Variants in RFX2 observed in about 807,000 individuals in gnomAD.
RFX2 encodes DNA-binding protein RFX2.
A neutral mutation model predicts 87.8 loss-of-function variants in RFX2; 20 were observed. That is an observed-to-expected ratio of 0.23 (90% CI 0.16 to 0.33). The LOEUF is 0.33. Among genes scored for constraint, RFX2 ranks in the 10% least tolerant of loss-of-function variants. The pLI is 1.00. For synonymous variants in RFX2, 397 were observed against 431.3 expected (o/e 0.92, Z 0.98); for missense variants, 767 against 1,012.3 (o/e 0.76, Z 3.29).
At chr19:6,109,831 G>A (rs1361350338) in intron 1 of RFX2, among the ~76,000 whole-genome samples, 1 of 150,964 alleles carries the variant, frequency 6.6e-6, no homozygotes, top group Non-Finnish European at 1.5e-5. Flanking sequence ...CCAATTCAGA[G>A]AATTCGAGGG....
At chr19:6,070,932 G>T (rs932525183) in intron 1 of RFX2, among the ~76,000 whole-genome samples, 44 of 152,162 alleles carry the variant, frequency 2.9e-4, no homozygotes, top group Admixed American at 2.0e-3. Context: ...TGTCCAGGCT[G>T]GTCCTGAACT....
Position 5,999,086 on chromosome 19 carries a change from T to C in RFX2, c.1860-1873A>G, listed in dbSNP as rs1404147171. On this transcript the variant is annotated intron_variant, in intron 15 of 17. Coordinates refer to ENST00000303657, the MANE Select transcript of RFX2 (RefSeq NM_000635.4). This position sits in a 1 kb window ranked among gnomAD's most constrained non-coding sequence, Gnocchi z 4.1. ...GCCCGGCCAACATGGCAAAACCCCG[T>C]CTCTACTAAAAATACAAAAATCAGC... Among the ~76,000 whole-genome samples the C allele has an allele frequency of 6.6e-6, 1 of 151,800 alleles. No homozygotes were observed. The highest frequency in any genetic ancestry group is 2.4e-5 in the African/African-American group (1 of 41,274).
intron 1 of RFX2, chr19:6,073,298 C>A (rs988290771): frequency 4.5e-5 from 49 of 1,084,362 alleles, no homozygotes; most frequent in Non-Finnish European, 6.4e-5. Flanking sequence ...TCTTGATGCC[C>A]AACACTGGTC....
intron 1 of RFX2, among the ~76,000 whole-genome samples, chr19:6,082,043 T>C (rs1055034490): frequency 2.6e-5 from 4 of 152,102 alleles, no homozygotes; most frequent in African/African-American, 9.7e-5. Context: ...GCTGAGATCA[T>C]GCCACTGCAC....
At chr19:6,041,192 T>A (rs6510870) in intron 4 of RFX2, among the ~76,000 whole-genome samples, 151,640 of 152,254 alleles carry the variant, frequency 1, 75,514 homozygotes, top group Middle Eastern at 1. Context: ...CTTCAGCCTC[T>A]GAATATGGGT....
intron 1 of RFX2, among the ~76,000 whole-genome samples, chr19:6,103,768 T>G (rs1413976273): frequency 6.6e-6 from 1 of 152,056 alleles, no homozygotes; most frequent in East Asian, 1.9e-4. Context: ...TTAAGGGAAT[T>G]TCCTACCCTA....
At chr19:6,028,797 G>A (rs1003325393) in intron 5 of RFX2, among the ~76,000 whole-genome samples, 7 of 152,154 alleles carry the variant, frequency 4.6e-5, no homozygotes, top group South Asian at 4.1e-4. Flanking sequence ...GATTTTGGCC[G>A]GGCACGGTGG....
intron 1 of RFX2, among the ~76,000 whole-genome samples, chr19:6,087,287 C>G (rs2087868060): frequency 6.6e-6 from 1 of 152,144 alleles, no homozygotes; most frequent in African/African-American, 2.4e-5. Context: ...CTACTCCTCC[C>G]TCCCACTGCC....
chr19:6,029,088 A>AG (rs2086924457), intron 5 of RFX2, among the ~76,000 whole-genome samples: 2 of 151,910 alleles, frequency 1.3e-5, no homozygotes, highest in Admixed American at 1.3e-4. Flanking sequence ...AAAAAAAAAA[A>AG]AAATGCAGAT....
At chr19:6,081,844 C>A (rs1599917120) in intron 1 of RFX2, among the ~76,000 whole-genome samples, 1 of 152,124 alleles carries the variant, frequency 6.6e-6, no homozygotes, top group Admixed American at 6.5e-5. Flanking sequence ...TCCCAGCACT[C>A]TGGGAGGCCG....
Position 6,021,384 on chromosome 19 carries a change from A to G in RFX2, c.597+4779T>C, listed in dbSNP as rs1326962277. On this transcript the variant is annotated intron_variant, in intron 6 of 17. Transcript: ENST00000303657. The surrounding 1 kb of genome is among the most constrained non-coding windows in gnomAD (Gnocchi z 5.7). Reference sequence around the variant, plus strand: ...TCTTGTCTGGCAGAGACCCACAATAAATAAGTAAAATGAACCGAATGAGGG... The same window carrying G: ...TCTTGTCTGGCAGAGACCCACAATAGATAAGTAAAATGAACCGAATGAGGG... Among the ~76,000 whole-genome samples the G allele has an allele frequency of 3.3e-5, 5 of 152,190 alleles. No homozygotes were observed. Among genetic ancestry groups the G allele is most frequent in the Non-Finnish European group, 7.4e-5 (5 of 68,020 alleles).
chr19:6,099,667 G>A (rs1194837876), intron 1 of RFX2, among the ~76,000 whole-genome samples: 1 of 152,150 alleles, frequency 6.6e-6, no homozygotes, highest in Non-Finnish European at 1.5e-5. Context: ...AGGGGTAGCT[G>A]TCTCCATCCT....
chr19:6,070,028 TGGATAGGATGGGATGGGATGGGATG>T (rs1358030394), intron 1 of RFX2, among the ~76,000 whole-genome samples: 17,649 of 32,052 alleles, frequency 0.55, 4,217 homozygotes, highest in Admixed American at 0.6. Context: ...GGATGGGATG[TGGATAGGATGGGATGGGATGGGATG>T]GGATGGGATG....
rs781115701 is a variant in RFX2, at chr19:6,044,156, G to A, written c.180+37C>T. The stretch of plus-strand genomic sequence containing the variant: ...TTCTGGATTGCTGAGTGCTAACTGC[G>A]CCCCGGTTTGCACGGTGCTGCGGTG... On this transcript the variant is annotated intron_variant, in intron 3 of 17. Coordinates refer to ENST00000303657, the MANE Select transcript of RFX2 (RefSeq NM_000635.4). This position sits in a 1 kb window ranked among gnomAD's most constrained non-coding sequence, Gnocchi z 5.3. 50 of 1,278,114 alleles carry A rather than the reference G, an allele frequency of 3.9e-5. No individual in the cohort carries two copies. In the East Asian group the frequency reaches 1.2e-3, roughly 31 times the overall value. 79.2% of individuals were successfully genotyped at this position (1,278,114 alleles called of 1,614,324 possible).
At chr19:6,042,603 T>C (rs1394798811) in intron 3 of RFX2, among the ~76,000 whole-genome samples, 1 of 152,204 alleles carries the variant, frequency 6.6e-6, no homozygotes, top group African/African-American at 2.4e-5. Flanking sequence ...GATTAGACTC[T>C]ACATGGCCCC....
Position 6,047,347 on chromosome 19 carries a change from ACCC to A in RFX2, c.90+57_90+59del. The A allele has an allele frequency of 1.5e-6, 2 of 1,350,420 alleles. No individual in the cohort carries two copies. Among genetic ancestry groups the A allele is most frequent in the Non-Finnish European group, 2.0e-6 (2 of 975,714 alleles). 83.7% of individuals were successfully genotyped at this position (1,350,420 alleles called of 1,614,324 possible). A position where few individuals can be genotyped will look rare whatever the true frequency, so the allele number is the denominator to read the frequency against. ...CTTTGCAGATCTGAGCAGCTTTCAA[ACCC>A]ATAGAGATCGCGTCCACACTGTGGC... On this transcript the variant is annotated intron_variant, in intron 2 of 17. Transcript: ENST00000303657. The surrounding 1 kb of genome is among the most constrained non-coding windows in gnomAD (Gnocchi z 4.2).
intron 1 of RFX2, among the ~76,000 whole-genome samples, chr19:6,076,237 G>A (rs1208925101): frequency 6.6e-6 from 1 of 152,152 alleles, no homozygotes; most frequent in African/African-American, 2.4e-5. Flanking sequence ...CCAGCTACTT[G>A]GGAGGCTGAG....
chr19:6,093,497 T>C (rs1279578055), intron 1 of RFX2, among the ~76,000 whole-genome samples: 1 of 152,002 alleles, frequency 6.6e-6, no homozygotes, highest in Admixed American at 6.6e-5. Context: ...ATTGTGCCAC[T>C]GCACTCCAGC....
At position 6,074,302 on chromosome 19, in the gene RFX2, C is replaced by T. The variant is rs919156232; in HGVS notation, c.-8-26798G>A. Among the ~76,000 whole-genome samples the T allele has an allele frequency of 1.3e-5, 2 of 152,228 alleles. No individual in the cohort carries two copies. The highest frequency in any genetic ancestry group is 2.4e-5 in the African/African-American group (1 of 41,456). On this transcript the variant is annotated intron_variant, in intron 1 of 17. Coordinates refer to ENST00000303657, the MANE Select transcript of RFX2 (RefSeq NM_000635.4). The surrounding 1 kb of genome is among the most constrained non-coding windows in gnomAD (Gnocchi z 5.2). ...ACAGTGTGGAGGAAGCTCCTCCTCT[C>T]ATCCCAAGCTAGCCCCTTCCTAACC...
Sources: allele counts gnomAD v4.1 joint callset (sites outside exome capture counted in the v4.1 genomes callset), GRCh38; gene constraint gnomAD v4.1.1; non-coding constraint Gnocchi (gnomAD v3.1); transcripts MANE v1.5; gene names NCBI Gene and HGNC (gene_info 2026-07-23, HGNC 2026-07-21).